The following EYA4 variants were observed in gnomAD, a reference collection of about 807,000 sequenced individuals.
EYA4 encodes the protein protein phosphatase EYA4.
In EYA4, 31 loss-of-function variants were observed where a neutral mutation model predicts 87.9. The ratio of observed to expected loss-of-function variants is 0.35; its 90% CI spans 0.27 to 0.48. EYA4 has a LOEUF of 0.48. EYA4 is among the 20% of genes least tolerant of loss of function. The pLI is 0.99. For synonymous variants in EYA4, 263 were observed against 270.6 expected, an observed-to-expected ratio of 0.97 and a Z score of 0.28; for missense variants, 678 against 761.4, an observed-to-expected ratio of 0.89 and a Z score of 1.29.
chr6:133,484,174 A>C (rs1796493655), intron 13 of EYA4, among the ~76,000 whole-genome samples: 2 of 152,236 alleles, frequency 1.3e-5, no homozygotes, highest in South Asian at 4.1e-4. Context: ...TGTAGGGCTC[A>C]TAATCAAACT....
intron 13 of EYA4, among the ~76,000 whole-genome samples, chr6:133,495,192 C>A (rs866089639): frequency 6.6e-6 from 1 of 152,046 alleles, no homozygotes; most frequent in Middle Eastern, 3.4e-3. Context: ...TCGCCTGAAC[C>A]CCAGAGGCAG....
intron 12 of EYA4, among the ~76,000 whole-genome samples, chr6:133,482,528 T>C (rs1489890199): frequency 6.6e-6 from 1 of 152,238 alleles, no homozygotes; most frequent in Non-Finnish European, 1.5e-5. Context: ...CAAATGTTAA[T>C]TCATAATTTG....
rs1444123759 is a variant in EYA4, at chr6:133,352,883, C to T, written c.34-29509C>T. Reference sequence around the variant, plus strand: ...AAACCAACAAAGTTAATACCACTAACAAAGCTTCACATGTCTTAGCTCAAA... The same window carrying T: ...AAACCAACAAAGTTAATACCACTAATAAAGCTTCACATGTCTTAGCTCAAA... On this transcript the variant is annotated intron_variant, in intron 2 of 19. Coordinates refer to ENST00000355286, the MANE Select transcript of EYA4 (RefSeq NM_004100.5). Among the ~76,000 whole-genome samples, 3 of 152,120 alleles carry T rather than the reference C, an allele frequency of 2.0e-5. No individual in the cohort carries two copies. In the East Asian group the frequency reaches 5.8e-4, roughly 29 times the overall value.
intron 3 of EYA4, among the ~76,000 whole-genome samples, chr6:133,417,315 G>A (rs1789801779): frequency 6.6e-6 from 1 of 152,094 alleles, no homozygotes; most frequent in Non-Finnish European, 1.5e-5. Context: ...GAGTTATGAG[G>A]CACCTAGACA....
intron 5 of EYA4, among the ~76,000 whole-genome samples, chr6:133,448,915 A>G (rs1426458095): frequency 1.3e-5 from 2 of 152,226 alleles, no homozygotes; most frequent in Admixed American, 6.5e-5. Context: ...AATGTGCATC[A>G]CAAACAAGCA....
intron 2 of EYA4, among the ~76,000 whole-genome samples, chr6:133,359,609 T>C (rs990021956): frequency 4.6e-5 from 7 of 152,212 alleles, no homozygotes. Flanking sequence ...CCCATTGGAT[T>C]GTTGTAATAT....
intron 2 of EYA4, among the ~76,000 whole-genome samples, chr6:133,289,372 T>C (rs993413965): frequency 2.6e-5 from 4 of 152,178 alleles, no homozygotes; most frequent in Admixed American, 2.0e-4. Context: ...ATAAAGAAGA[T>C]TTGCAGTAGC....
rs144704060 is a variant in EYA4, at chr6:133,387,800, T to C, written c.83+5359T>C. On this transcript the variant is annotated intron_variant, in intron 3 of 19. Transcript: ENST00000355286. ...ATCTTTTTCTTCCCAATTTGGAAAG[T>C]GTTTTGTCTTGTTTCAAAGTCTGGC... is the stretch of plus-strand genomic sequence containing the variant. 6.9e-4 allele frequency among the ~76,000 whole-genome samples: 105 copies of C among 152,294 alleles called. 2 individuals carry two copies. The East Asian group carries it at 0.019, about 28-fold the overall frequency.
chr6:133,437,653 C>T (rs1008456153), intron 3 of EYA4, among the ~76,000 whole-genome samples: 4 of 152,112 alleles, frequency 2.6e-5, no homozygotes, highest in South Asian at 2.1e-4. Context: ...CTTACAGTTC[C>T]GCATGGCTGG....
At chr6:133,430,301 T>C (rs1791074690) in intron 3 of EYA4, among the ~76,000 whole-genome samples, 1 of 152,224 alleles carries the variant, frequency 6.6e-6, no homozygotes, top group Non-Finnish European at 1.5e-5. Flanking sequence ...TTAAATGTTA[T>C]ACTCCATCAA....
At chr6:133,358,713 T>G (rs1784249471) in intron 2 of EYA4, among the ~76,000 whole-genome samples, 1 of 152,224 alleles carries the variant, frequency 6.6e-6, no homozygotes, top group South Asian at 2.1e-4. Context: ...GGCACTGTGC[T>G]AAGCCTTGTA....
chr6:133,338,963 C>T (rs1782583450), intron 2 of EYA4, among the ~76,000 whole-genome samples: 1 of 151,964 alleles, frequency 6.6e-6, no homozygotes, highest in Non-Finnish European at 1.5e-5. Context: ...CATCACTTGG[C>T]TCTTTTGTAA....
intron 13 of EYA4, among the ~76,000 whole-genome samples, chr6:133,492,703 A>C (rs1797293807): frequency 6.6e-6 from 1 of 152,224 alleles, no homozygotes; most frequent in Non-Finnish European, 1.5e-5. Flanking sequence ...ATTTTTAGAA[A>C]AGCTTAAAGA....
In EYA4 at chr6:133,386,526, A is replaced by G. The variant is rs917761821; in HGVS notation, c.83+4085A>G. Among the ~76,000 whole-genome samples, 7 of 152,148 alleles carry G rather than the reference A, an allele frequency of 4.6e-5. 1 individual carries two copies. In the Middle Eastern group the frequency reaches 0.01, roughly 222 times the overall value. On this transcript the variant is annotated intron_variant, in intron 3 of 19. Transcript: ENST00000355286. ...CAAATGATTTCTCTGTTGAATTTCT[A>G]TTTCTGTTTCTCTTTGCTTTTCCTC...
chr6:133,326,018 C>T (rs1215094793), intron 2 of EYA4, among the ~76,000 whole-genome samples: 1 of 152,210 alleles, frequency 6.6e-6, no homozygotes, highest in East Asian at 1.9e-4. Flanking sequence ...GCTTCTTATG[C>T]CTCACTGACC....
chr6:133,273,995 G>T (rs1243713465), intron 1 of EYA4, among the ~76,000 whole-genome samples: 1 of 151,922 alleles, frequency 6.6e-6, no homozygotes, highest in Non-Finnish European at 1.5e-5. Flanking sequence ...GTCTTCTATT[G>T]CTACTATGAT....
chr6:133,359,544 A>G (rs996641529), intron 2 of EYA4, among the ~76,000 whole-genome samples: 3 of 152,178 alleles, frequency 2.0e-5, no homozygotes, highest in African/African-American at 4.8e-5. Context: ...AGAAACCAAC[A>G]TGTTTAGTTT....
intron 2 of EYA4, among the ~76,000 whole-genome samples, chr6:133,370,662 C>T (rs759854891): frequency 6.6e-6 from 1 of 152,106 alleles, no homozygotes; most frequent in Non-Finnish European, 1.5e-5. Context: ...CTTTGTTTTC[C>T]CCTAATAGTA....
intron 13 of EYA4, among the ~76,000 whole-genome samples, chr6:133,485,159 G>A (rs1184505013): frequency 6.6e-6 from 1 of 152,152 alleles, no homozygotes; most frequent in African/African-American, 2.4e-5. Flanking sequence ...AAATAAACCT[G>A]TCAGCTCCCA....
Sources: gnomAD v4.1 joint callset for allele counts (sites outside exome capture counted in the v4.1 genomes callset) on GRCh38, gnomAD v4.1.1 for gene constraint, MANE v1.5 for transcripts, NCBI Gene and HGNC (gene_info 2026-07-23, HGNC 2026-07-21) for gene names.